The following CSMD3 variants were observed in gnomAD, a reference collection of about 807,000 sequenced individuals.
CSMD3 encodes CUB and Sushi multiple domains 3.
A neutral mutation model predicts 435.2 loss-of-function variants in CSMD3; 177 were observed. The ratio of observed to expected loss-of-function variants is 0.41; its 90% CI spans 0.36 to 0.46. The LOEUF (loss-of-function observed/expected upper bound fraction) is 0.46, where lower values mean the gene tolerates loss of function less well. Among genes scored for constraint, CSMD3 ranks in the 20% least tolerant of loss-of-function variants. The probability of loss-of-function intolerance (pLI) is 0.34; values close to 1 mark genes in which losing one functional copy is unlikely to be tolerated. For synonymous variants in CSMD3, 1,656 were observed against 1,520.5 expected, an observed-to-expected ratio of 1.09 and a Z score of -2.07; for missense variants, 4,265 against 4,504.6, an observed-to-expected ratio of 0.95 and a Z score of 1.52.
intron 1 of CSMD3, among the ~76,000 whole-genome samples, chr8:113,359,800 T>C (rs1414878124): frequency 6.6e-6 from 1 of 152,250 alleles, no homozygotes; most frequent in Non-Finnish European, 1.5e-5. Context: ...TGAGGCTTGC[T>C]AGATGTAATC....
At chr8:112,261,238 CTA>C (rs1405750096) in intron 61 of CSMD3, among the ~76,000 whole-genome samples, 2 of 152,042 alleles carry the variant, frequency 1.3e-5, no homozygotes, top group Admixed American at 1.3e-4. Context: ...CATCATAATT[CTA>C]TGTCTATAAA....
intron 11 of CSMD3, among the ~76,000 whole-genome samples, chr8:112,834,542 A>G (rs772240543): frequency 4.6e-5 from 7 of 151,886 alleles, no homozygotes; most frequent in South Asian, 2.1e-4. Flanking sequence ...TTAGGAAAAC[A>G]AAAACAAAAT....
At chr8:113,250,020 T>C (rs971640550) in intron 3 of CSMD3, among the ~76,000 whole-genome samples, 1 of 152,036 alleles carries the variant, frequency 6.6e-6, no homozygotes, top group Non-Finnish European at 1.5e-5. Flanking sequence ...ATTCAATAAA[T>C]AAACAAATAA....
intron 45 of CSMD3, among the ~76,000 whole-genome samples, chr8:112,322,671 C>T (rs1823111296): frequency 6.6e-6 from 1 of 152,010 alleles, no homozygotes; most frequent in Admixed American, 6.6e-5. Flanking sequence ...TATTGCCAGG[C>T]TAAACATCTC....
chr8:113,282,203 A>G (rs1400057113), intron 2 of CSMD3, among the ~76,000 whole-genome samples: 1 of 152,036 alleles, frequency 6.6e-6, no homozygotes, highest in Non-Finnish European at 1.5e-5. Flanking sequence ...CCTCTTCAAC[A>G]TAGTACTGGA....
chr8:112,507,661 G>A (rs1483219352), intron 28 of CSMD3, among the ~76,000 whole-genome samples: 3 of 152,090 alleles, frequency 2.0e-5, no homozygotes, highest in African/African-American at 4.8e-5. Context: ...CAGTTATAAG[G>A]GAAATTAAAT....
chr8:112,919,373 A>G (rs186810907), intron 10 of CSMD3, among the ~76,000 whole-genome samples: 20 of 151,958 alleles, frequency 1.3e-4, no homozygotes, highest in Non-Finnish European at 2.2e-4. Flanking sequence ...AATGTAATAT[A>G]ACACCTTATT....
intron 14 of CSMD3, among the ~76,000 whole-genome samples, chr8:112,688,746 C>A (rs1025545740): frequency 6.6e-6 from 1 of 151,756 alleles, no homozygotes; most frequent in African/African-American, 2.4e-5. Context: ...CATTATTAAT[C>A]GCTACATTTT....
rs35916764 is a variant in CSMD3, at chr8:112,428,231, T to G, written c.5396-19199A>C. On this transcript the variant is annotated intron_variant, in intron 32 of 70. Transcript: ENST00000297405. ...CAACAACTGTTTTACAATTTCAGTCTTTATCTGTAATTTAGTTTCTGGAAA... is the reference window on the plus strand; with the variant it reads ...CAACAACTGTTTTACAATTTCAGTCGTTATCTGTAATTTAGTTTCTGGAAA... 8.5e-3 allele frequency among the ~76,000 whole-genome samples: 1,288 copies of G among 152,304 alleles called. 6 individuals are homozygous for G. Among genetic ancestry groups the G allele is most frequent in the Non-Finnish European group, 0.014 (935 of 68,018 alleles).
intron 35 of CSMD3, among the ~76,000 whole-genome samples, chr8:112,402,217 T>C (rs888641373): frequency 6.6e-6 from 1 of 152,202 alleles, no homozygotes; most frequent in Admixed American, 6.5e-5. Context: ...AGGATCTTAT[T>C]GTAACTCACT....
chr8:112,625,528 A>G (rs1834408638), intron 22 of CSMD3, among the ~76,000 whole-genome samples: 1 of 152,144 alleles, frequency 6.6e-6, no homozygotes, highest in Non-Finnish European at 1.5e-5. Flanking sequence ...CAAAACATCA[A>G]CTAGTTCAAA....
chr8:112,816,890 A>T (rs111555751), intron 12 of CSMD3, among the ~76,000 whole-genome samples: 3,215 of 151,972 alleles, frequency 0.021, 55 homozygotes, highest in Middle Eastern at 0.048. Context: ...TTAAAAGGAG[A>T]ATAATCAGGA....
Position 113,313,463 on chromosome 8 carries a change from AGGCGCCCGCCCCGACACCC to A in CSMD3, c.401+1089_401+1107del, listed in dbSNP as rs2093885982. On this transcript the variant is annotated intron_variant, in intron 2 of 70. Transcript: ENST00000297405. Reference sequence around the variant, plus strand: ...CAGCCTCCCAAGTAGCTGGGTCTACAGGCGCCCGCCCCGACACCCGGCTAATTTTTTGTATTTTTAGTAG... The same window carrying A: ...CAGCCTCCCAAGTAGCTGGGTCTACAGGCTAATTTTTTGTATTTTTAGTAG... 5.9e-5 allele frequency: 9 copies of A among 152,230 alleles called. No individual in the cohort carries two copies. In the South Asian group the frequency reaches 1.9e-3, roughly 32 times the overall value. 9.4% of individuals were successfully genotyped at this position (152,230 alleles called of 1,614,324 possible).
intron 31 of CSMD3, among the ~76,000 whole-genome samples, chr8:112,473,893 A>G (rs1330412773): frequency 6.6e-6 from 1 of 151,866 alleles, no homozygotes; most frequent in Admixed American, 6.6e-5. Flanking sequence ...TCTACACTGT[A>G]GGTTTTTTAG....
intron 35 of CSMD3, among the ~76,000 whole-genome samples, chr8:112,392,791 C>T (rs1309132795): frequency 4.6e-5 from 7 of 150,998 alleles, no homozygotes; most frequent in Non-Finnish European, 1.5e-5. Flanking sequence ...TGACATGTTG[C>T]TTCTCTGGTG....
chr8:112,650,824 A>T (rs567335620), intron 18 of CSMD3, among the ~76,000 whole-genome samples: 3 of 152,234 alleles, frequency 2.0e-5, no homozygotes, highest in Non-Finnish European at 4.4e-5. Flanking sequence ...TCTGGTGGTT[A>T]ACTGTTGTTG....
At chr8:112,444,008 T>G (rs1815328861) in intron 32 of CSMD3, among the ~76,000 whole-genome samples, 1 of 152,220 alleles carries the variant, frequency 6.6e-6, no homozygotes, top group Admixed American at 6.5e-5. Context: ...AGTAATTTTC[T>G]CAAATTCATA....
At chr8:112,253,351 A>G (rs948692801) in intron 63 of CSMD3, among the ~76,000 whole-genome samples, 2 of 151,994 alleles carry the variant, frequency 1.3e-5, no homozygotes, top group African/African-American at 2.4e-5. Flanking sequence ...TATCTGGAAC[A>G]GGACTGAAGG....
At chr8:112,655,622 A>G (rs1160733994) in intron 18 of CSMD3, among the ~76,000 whole-genome samples, 4 of 152,078 alleles carry the variant, frequency 2.6e-5, no homozygotes, top group African/African-American at 9.7e-5. Flanking sequence ...AGCTTGTATT[A>G]ATATAGTTTT....
Sources: allele counts gnomAD v4.1 joint callset (sites outside exome capture counted in the v4.1 genomes callset), GRCh38; gene constraint gnomAD v4.1.1; transcripts MANE v1.5; gene names NCBI Gene and HGNC (gene_info 2026-07-23, HGNC 2026-07-21).